VAV2: variants seen among roughly 807,000 people sequenced by gnomAD.
The protein encoded by VAV2 is guanine nucleotide exchange factor VAV2.
In VAV2, 67 loss-of-function variants were observed where a neutral mutation model predicts 132.5. The ratio of observed to expected loss-of-function variants is 0.51; its 90% CI spans 0.42 to 0.62. The LOEUF is 0.62. VAV2 is among the 20% of genes least tolerant of loss of function. VAV2 has a pLI of 0.00. For synonymous variants in VAV2, 492 were observed against 443.5 expected, an observed-to-expected ratio of 1.11 and a Z score of -1.37; for missense variants, 938 against 1,153.6, an observed-to-expected ratio of 0.81 and a Z score of 2.71.
intron 2 of VAV2, among the ~76,000 whole-genome samples, chr9:133,874,132 G>A (rs1010878419): frequency 9.9e-5 from 15 of 152,248 alleles, no homozygotes; most frequent in Non-Finnish European, 1.8e-4. Context: ...CTGGAGGGCC[G>A]GCTATCCATC....
At chr9:133,968,521 C>T (rs1224522803) in intron 1 of VAV2, among the ~76,000 whole-genome samples, 1 of 152,164 alleles carries the variant, frequency 6.6e-6, no homozygotes, top group African/African-American at 2.4e-5. Context: ...AAGAGAAACG[C>T]GCTCGGGGCC....
At chr9:133,940,323 CCT>C (rs1313872251) in intron 1 of VAV2, among the ~76,000 whole-genome samples, 1 of 152,176 alleles carries the variant, frequency 6.6e-6, no homozygotes, top group African/African-American at 2.4e-5. Flanking sequence ...GGATTGTCAT[CCT>C]CATCAATAAC....
intron 1 of VAV2, among the ~76,000 whole-genome samples, chr9:133,954,107 G>A (rs779907331): frequency 6.6e-6 from 1 of 152,180 alleles, no homozygotes; most frequent in South Asian, 2.1e-4. Context: ...AACCGTCACC[G>A]AAAGCACTGC....
intron 1 of VAV2, among the ~76,000 whole-genome samples, chr9:133,947,692 T>A (rs1299878045): frequency 8.1e-6 from 1 of 123,888 alleles, no homozygotes; most frequent in East Asian, 2.6e-4. Context: ...AGAGCAAAAC[T>A]CCGTCTCAAA....
At chr9:133,810,271 T>C in intron 5 of VAV2, 66 bp from the exon 6 acceptor site, 1 of 1,608,274 alleles carries the variant, frequency 6.2e-7, no homozygotes, top group South Asian at 1.1e-5. Flanking sequence ...CCTGGCAAGC[T>C]GGGCCTGGGA....
chr9:133,808,603 A>T (rs1382986889), intron 7 of VAV2, among the ~76,000 whole-genome samples: 1 of 152,194 alleles, frequency 6.6e-6, no homozygotes, highest in African/African-American at 2.4e-5. Flanking sequence ...TCTGGTCACT[A>T]GGCCGGGCCA....
chr9:133,898,470 T>A (rs982363851), intron 2 of VAV2, among the ~76,000 whole-genome samples: 1 of 151,068 alleles, frequency 6.6e-6, no homozygotes, highest in African/African-American at 2.4e-5. Flanking sequence ...GGCAGGTGCC[T>A]GTAATCCCAC....
chr9:133,963,694 G>A (rs892885461), intron 1 of VAV2, among the ~76,000 whole-genome samples: 2 of 152,158 alleles, frequency 1.3e-5, no homozygotes, highest in African/African-American at 4.8e-5. Flanking sequence ...ACTGTCACAC[G>A]TGAAACATGG....
intron 4 of VAV2, among the ~76,000 whole-genome samples, chr9:133,825,881 G>A (rs1342474576): frequency 3.9e-5 from 6 of 152,146 alleles, no homozygotes; most frequent in Admixed American, 3.3e-4. Flanking sequence ...AAACCTCCTC[G>A]ACACCAGAAA....
intron 3 of VAV2, among the ~76,000 whole-genome samples, chr9:133,859,523 A>G (rs1002182602): frequency 1.6e-4 from 24 of 152,208 alleles, no homozygotes; most frequent in African/African-American, 5.5e-4. Context: ...AGAATGTCTA[A>G]TGGATTTGGA....
chr9:133,821,568 G>A (rs921872432), intron 4 of VAV2, among the ~76,000 whole-genome samples: 1 of 152,194 alleles, frequency 6.6e-6, no homozygotes, highest in African/African-American at 2.4e-5. Flanking sequence ...AGGGCGAAAG[G>A]AGGGGCTCAT....
At chr9:133,807,137 G>C (rs1250872191) in intron 8 of VAV2, 121 bp downstream of exon 8, 4 of 1,173,140 alleles carry the variant, frequency 3.4e-6, no homozygotes, top group Non-Finnish European at 4.7e-6. Context: ...CGGCCAGCAC[G>C]AGCCACCACG....
intron 3 of VAV2, among the ~76,000 whole-genome samples, chr9:133,844,524 T>C (rs769052456): frequency 1.3e-5 from 2 of 152,254 alleles, no homozygotes; most frequent in Non-Finnish European, 2.9e-5. Context: ...GGCTGAGGCC[T>C]GCACCCCCAG....
intron 2 of VAV2, 46 bp downstream of exon 2, chr9:133,939,057 G>C (rs766785102): frequency 1.9e-6 from 3 of 1,573,070 alleles, no homozygotes; most frequent in Non-Finnish European, 2.6e-6. Flanking sequence ...CCGGCAAATC[G>C]GCCACCACAG....
intron 4 of VAV2, among the ~76,000 whole-genome samples, chr9:133,829,871 G>A (rs1836196444): frequency 6.6e-6 from 1 of 152,116 alleles, no homozygotes; most frequent in African/African-American, 2.4e-5. Flanking sequence ...CCACCACACT[G>A]CCCTGAAACT....
rs1182015141 is a variant in VAV2 at position 133,879,881 on chromosome 9, A to G, written c.322-18449T>C. On this transcript the variant is annotated intron_variant, in intron 2 of 29. Transcript: ENST00000371850. The surrounding 1 kb of genome is among the most constrained non-coding windows in gnomAD (Gnocchi z 4.4). ...AGCTCTGGCATCCAGATTTGCTTCCAAGCGGTTTTACCTTGATGACTGCTT... is the reference window on the plus strand; with the variant it reads ...AGCTCTGGCATCCAGATTTGCTTCCGAGCGGTTTTACCTTGATGACTGCTT... 6.6e-6 allele frequency among the ~76,000 whole-genome samples: 1 copy of G among 152,256 alleles called. No individual in the cohort carries two copies. The highest frequency in any genetic ancestry group is 1.5e-5 in the Non-Finnish European group (1 of 68,048).
chr9:133,948,585 G>A (rs1247761384), intron 1 of VAV2, among the ~76,000 whole-genome samples: 2 of 152,166 alleles, frequency 1.3e-5, no homozygotes, highest in Non-Finnish European at 2.9e-5. Flanking sequence ...TTGAGCCATG[G>A]CTGCTACATT....
In VAV2 at chr9:133,912,624, G is replaced by T. The variant is rs559220856; in HGVS notation, c.321+26479C>A. Among the ~76,000 whole-genome samples the T allele has an allele frequency of 6.6e-6, 1 of 152,208 alleles. No individual in the cohort carries two copies. Among genetic ancestry groups the T allele is most frequent in the African/African-American group, 2.4e-5 (1 of 41,528 alleles). ...TTCAATCGCGGAACACAAATTACAC[G>T]TGTGATGCTCTTCTCCACGTGTGCA... On this transcript the variant is annotated intron_variant, in intron 2 of 29. Coordinates refer to ENST00000371850, the MANE Select transcript of VAV2 (RefSeq NM_001134398.2). The surrounding 1 kb of genome is among the most constrained non-coding windows in gnomAD (Gnocchi z 4.3).
intron 4 of VAV2, among the ~76,000 whole-genome samples, chr9:133,829,135 A>G (rs928572165): frequency 6.6e-6 from 1 of 152,262 alleles, no homozygotes; most frequent in Non-Finnish European, 1.5e-5. Flanking sequence ...ACGAAAAGGG[A>G]AGCGCAGTGC....
Sources: allele counts gnomAD v4.1 joint callset (sites outside exome capture counted in the v4.1 genomes callset), GRCh38; gene constraint gnomAD v4.1.1; non-coding constraint Gnocchi (gnomAD v3.1); transcripts MANE v1.5; gene names NCBI Gene and HGNC (gene_info 2026-07-23, HGNC 2026-07-21).